GDE1: variants seen among roughly 807,000 people sequenced by gnomAD.
GDE1 encodes the protein glycerophosphodiester phosphodiesterase 1, also known as RGS16-interacting membrane protein.
GDE1 carries 24 observed loss-of-function variants against 32.2 expected under a neutral mutation model. The observed-to-expected ratio is 0.75, with a 90% CI of 0.54 to 1.05. The LOEUF is 1.05. GDE1 is among the 50% of genes least tolerant of loss of function. The pLI is 0.00. For synonymous variants in GDE1, 159 were observed against 158.6 expected (o/e 1.00, Z -0.02); for missense variants, 380 against 415.0 (o/e 0.92, Z 0.73).
At chr16:19,507,622 C>A in intron 4 of GDE1, 65 bp downstream of exon 4, 1 of 822,128 alleles carries the variant, frequency 1.2e-6, no homozygotes, top group Non-Finnish European at 2.2e-6. Flanking sequence ...CCTGTGCTTA[C>A]GCAGCCCATT....
chr16:19,517,946 G>C (rs2151449578), intron 1 of GDE1, among the ~76,000 whole-genome samples: 1 of 150,698 alleles, frequency 6.6e-6, no homozygotes, highest in Non-Finnish European at 1.5e-5. Context: ...AGAGTGCAGT[G>C]GCATGATCTC....
chr16:19,514,671 T>C (rs940166934), intron 2 of GDE1, among the ~76,000 whole-genome samples: 9 of 152,166 alleles, frequency 5.9e-5, no homozygotes, highest in Non-Finnish European at 5.9e-5. Flanking sequence ...ACTAAGTGCT[T>C]GATACAAAAG....
chr16:19,503,749 T>A, intron 5 of GDE1, 132 bp from the exon 6 acceptor site: 1 of 714,968 alleles, frequency 1.4e-6, no homozygotes, highest in Non-Finnish European at 2.4e-6. Context: ...GCCTCTGCAC[T>A]GTGATCAGAG....
At chr16:19,504,820 C>T (rs1969223904) in intron 5 of GDE1, 61 bp downstream of exon 5, 3 of 1,057,146 alleles carry the variant, frequency 2.8e-6, no homozygotes, top group Non-Finnish European at 4.3e-6. Flanking sequence ...GTTAATCCTT[C>T]CTTTCAAATA....
chr16:19,510,801 T>A (rs1257198563), intron 3 of GDE1, 38 bp downstream of exon 3: 2 of 885,828 alleles, frequency 2.3e-6, no homozygotes, highest in Non-Finnish European at 3.5e-6. Flanking sequence ...AAATAAGATG[T>A]CTTTTTAACA....
chr16:19,502,443 C>T lies in GDE1; in HGVS notation c.*1027G>A, dbSNP rs1156533654. On this transcript the variant is annotated 3_prime_UTR_variant, in exon 6 of 6. Coordinates refer to ENST00000353258, the MANE Select transcript of GDE1 (RefSeq NM_016641.4). Reference sequence around the variant, plus strand: ...CACTGTGCCACCAAGGTTGTAGTGCCGTGGTGTAATCATGGCTCATTGCAG... The same window carrying T: ...CACTGTGCCACCAAGGTTGTAGTGCTGTGGTGTAATCATGGCTCATTGCAG... 3.0e-5 allele frequency: 4 copies of T among 132,954 alleles called. No individual in the cohort carries two copies. The highest frequency in any genetic ancestry group is 2.3e-4 in the South Asian group (1 of 4,268). The allele number at this position is 132,954 out of a possible 1,614,324, so 8.2% of individuals were successfully genotyped here. A position where few individuals can be genotyped will look rare whatever the true frequency, so the allele number is the denominator to read the frequency against.
chr16:19,512,927 T>G (rs866781633), intron 2 of GDE1, among the ~76,000 whole-genome samples: 2 of 137,104 alleles, frequency 1.5e-5, no homozygotes, highest in South Asian at 2.5e-4. Context: ...TGTATCTGTT[T>G]TGTGTGTGTG....
At chr16:19,518,013 A>T (rs1360909168) in intron 1 of GDE1, among the ~76,000 whole-genome samples, 1 of 151,402 alleles carries the variant, frequency 6.6e-6, no homozygotes, top group Non-Finnish European at 1.5e-5. Flanking sequence ...TCAGTCTCCC[A>T]AGTAGCCGGG....
At position 19,503,269 on chromosome 16, in the gene GDE1, C is replaced by CA. The variant is rs1428180596; in HGVS notation, c.*200dup. The CA allele has an allele frequency of 2.5e-5, 14 of 551,844 alleles. No individual in the cohort carries two copies. The highest frequency in any genetic ancestry group is 4.2e-5 in the Non-Finnish European group (13 of 311,196). 34.2% of individuals were successfully genotyped at this position (551,844 alleles called of 1,614,324 possible). A position where few individuals can be genotyped will look rare whatever the true frequency, so the allele number is the denominator to read the frequency against. On this transcript the variant is annotated 3_prime_UTR_variant, in exon 6 of 6. Transcript: ENST00000353258. ...TTCAGACCCAGATTTTCAAGAGCAA[C>CA]AGTGTTGAACTCTGGCATGCCATGG... is the stretch of plus-strand genomic sequence containing the variant.
rs747868404 is a variant in GDE1 at position 19,517,066 on chromosome 16, A to G, written c.385T>C (p.Leu129=). 6.2e-7 allele frequency: 1 copy of G among 1,614,170 alleles called. No homozygotes were observed. Among genetic ancestry groups the G allele is most frequent in the Admixed American group, 1.7e-5 (1 of 60,028 alleles). Reference sequence around the variant, plus strand: ...AGCTTCCTAATTTGTTCAAATGTCAAATCACACAATCGCCCAGTCCCATCA... The same window carrying G: ...AGCTTCCTAATTTGTTCAAATGTCAGATCACACAATCGCCCAGTCCCATCA... ...TTDGTGRLCD[L]TFEQIRKLNP... The change falls in exon 2 of 6, where the codon TTG becomes CTG. Residue 129 remains leucine, a synonymous_variant. Transcript: ENST00000353258.
chr16:19,515,264 TC>T (rs1411474017), intron 2 of GDE1, among the ~76,000 whole-genome samples: 1 of 152,136 alleles, frequency 6.6e-6, no homozygotes, highest in Non-Finnish European at 1.5e-5. Flanking sequence ...AGAGAAAATA[TC>T]TATTTTTTCC....
At chr16:19,517,432 T>C (rs113156965) in intron 1 of GDE1, among the ~76,000 whole-genome samples, 6,241 of 152,296 alleles carry the variant, frequency 0.041, 446 homozygotes, top group African/African-American at 0.14. Context: ...ACTTTCACAG[T>C]GGAAGACTAG....
Position 19,502,550 on chromosome 16 carries a change from A to AT in GDE1, c.*919dup, listed in dbSNP as rs1365276670. The AT allele has an allele frequency of 1.3e-5, 2 of 151,726 alleles. No homozygotes were observed. Among genetic ancestry groups the AT allele is most frequent in the Non-Finnish European group, 1.5e-5 (1 of 67,908 alleles). 9.4% of individuals were successfully genotyped at this position (151,726 alleles called of 1,614,324 possible). On this transcript the variant is annotated 3_prime_UTR_variant, in exon 6 of 6. Transcript: ENST00000353258. The stretch of plus-strand genomic sequence containing the variant: ...ATACAGGCATGCACCACCATGCCTA[A>AT]TTTTTTAGAGATGGGGTCTTGCTAT...
Position 19,503,129 on chromosome 16 carries a change from A to G in GDE1, c.*341T>C. 3.9e-6 allele frequency: 1 copy of G among 253,978 alleles called. No individual in the cohort carries two copies. Among genetic ancestry groups the G allele is most frequent in the Non-Finnish European group, 7.6e-6 (1 of 131,012 alleles). The allele number at this position is 253,978 out of a possible 1,614,324, so 15.7% of individuals were successfully genotyped here. ...AAATGTCAACTCTGAGTTATCATGC[A>G]TGTCCCATGCATTTACATCTGCATC... On this transcript the variant is annotated 3_prime_UTR_variant, in exon 6 of 6. Transcript: ENST00000353258.
rs754741251 is a variant in GDE1 at position 19,507,724 on chromosome 16, CTAT to C, written c.596_598del (p.Asn199del). ...TTCTGGCAAGAAAGAACAGACCACA[CTAT>C]TATTATACAGTTGAGGAAATTCCAT... On this transcript the variant is annotated inframe_deletion, in exon 4 of 6. Coordinates refer to ENST00000353258, the MANE Select transcript of GDE1 (RefSeq NM_016641.4). 1.3e-6 allele frequency: 2 copies of C among 1,585,156 alleles called. No homozygotes were observed. Among genetic ancestry groups the C allele is most frequent in the Non-Finnish European group, 1.7e-6 (2 of 1,153,680 alleles).
At chr16:19,511,726 C>A (rs1309103605) in intron 2 of GDE1, among the ~76,000 whole-genome samples, 2 of 152,146 alleles carry the variant, frequency 1.3e-5, no homozygotes, top group Non-Finnish European at 2.9e-5. Flanking sequence ...ACCCCAAACC[C>A]TTCCCAGCCT....
intron 1 of GDE1, 89 bp downstream of exon 1, chr16:19,521,615 C>G (rs1422501904): frequency 9.1e-6 from 13 of 1,428,210 alleles, no homozygotes; most frequent in Non-Finnish European, 1.2e-5. Flanking sequence ...GTGGGAAGGC[C>G]GTCCTGAGAA....
intron 4 of GDE1, among the ~76,000 whole-genome samples, chr16:19,507,306 G>T (rs753787693): frequency 7.2e-5 from 11 of 151,992 alleles, no homozygotes; most frequent in Non-Finnish European, 1.0e-4. Context: ...CAGTTAAAGG[G>T]GGGGTACACT....
chr16:19,506,297 C>T (rs1489007820), intron 4 of GDE1, among the ~76,000 whole-genome samples: 2 of 151,648 alleles, frequency 1.3e-5, no homozygotes, highest in African/African-American at 4.9e-5. Flanking sequence ...AACAAGGACC[C>T]CCCCCAAAAC....
Sources: allele counts gnomAD v4.1 joint callset (sites outside exome capture counted in the v4.1 genomes callset), GRCh38; gene constraint gnomAD v4.1.1; transcripts MANE v1.5; gene names NCBI Gene and HGNC (gene_info 2026-07-23, HGNC 2026-07-21).